The following MBD3L1 variants were observed in gnomAD, a reference collection of about 807,000 sequenced individuals.
MBD3L1 encodes the protein methyl-CpG-binding domain protein 3-like 1.
For synonymous variants in MBD3L1, 84 were observed against 85.1 expected, an observed-to-expected ratio of 0.99 and a Z score of 0.07; for missense variants, 203 against 230.1, an observed-to-expected ratio of 0.88 and a Z score of 0.76.
intron 2 of MBD3L1, among the ~76,000 whole-genome samples, chr19:8,842,318 CAA>C (rs35231202): frequency 1.9e-4 from 22 of 114,204 alleles, no homozygotes; most frequent in African/African-American, 3.1e-4. Context: ...CGGAGTGGGA[CAA>C]AAAAAAAAAA....
rs1277037212 is a variant in MBD3L1 at position 8,843,020 on chromosome 19, G to A, written c.342G>A (p.Glu114=). ...TGGAGGATCTTGCCAGTGGTCTGGA[G>A]CACTCCTGCCCCATGCCCCACCTTG... ...SLLEDLASGL[E]HSCPMPHLAC... is the part of the protein sequence containing the mutation. The change falls in exon 3 of 3, where the codon GAG becomes GAA. Residue 114 remains glutamate, a synonymous_variant. Transcript: ENST00000595891. 1 of 1,614,080 alleles carries A rather than the reference G, an allele frequency of 6.2e-7. No homozygotes were observed. The highest frequency in any genetic ancestry group is 1.3e-5 in the African/African-American group (1 of 74,938).
In MBD3L1 at chr19:8,842,959, AAAAACTTGTCCCT is replaced by A; in HGVS notation, c.283_295del (p.Lys95ValfsTer33). The A allele has an allele frequency of 6.2e-7, 1 of 1,614,244 alleles. No homozygotes were observed. Among genetic ancestry groups the A allele is most frequent in the Non-Finnish European group, 8.5e-7 (1 of 1,180,048 alleles). On this transcript the variant is annotated frameshift_variant, in exon 3 of 3. Coordinates refer to ENST00000595891, the MANE Select transcript of MBD3L1 (RefSeq NM_001393532.1). LOFTEE classifies it low-confidence loss of function (END_TRUNC). ...ACTTTGGATCTTGCCAATACCTTGC[AAAAACTTGTCCCT>A]AGTTACACAGGTGGATCTCTGCTGG...
At chr19:8,833,643 A>C (rs2044414773) in intron 1 of MBD3L1, 1 of 152,286 alleles carries the variant, frequency 6.6e-6, no homozygotes, top group Non-Finnish European at 1.5e-5. Flanking sequence ...GGCAGGAGAA[A>C]TGGACAGTGA....
rs146607982 is a variant in MBD3L1 at position 8,838,800 on chromosome 19, T to C, written c.-106-2115T>C. Among the ~76,000 whole-genome samples, 350 of 152,224 alleles carry C rather than the reference T, an allele frequency of 2.3e-3. 1 individual carries two copies. Among genetic ancestry groups the C allele is most frequent in the African/African-American group, 7.6e-3 (315 of 41,548 alleles). On this transcript the variant is annotated intron_variant, in intron 1 of 2. Coordinates refer to ENST00000595891, the MANE Select transcript of MBD3L1 (RefSeq NM_001393532.1). ...AGGCAGCACAGAAGAGAAGGGGCCA[T>C]TTGCAAAGAGGCAGAGGTTGGAGGG...
chr19:8,842,750 C>G lies in MBD3L1; in HGVS notation c.72C>G (p.Thr24=), dbSNP rs1445804281. The G allele has an allele frequency of 1.2e-6, 2 of 1,614,074 alleles. No homozygotes were observed. The highest frequency in any genetic ancestry group is 8.5e-7 in the Non-Finnish European group (1 of 1,180,042). Residue 24 remains threonine, a synonymous_variant, in exon 3 of 3, where the codon ACC becomes ACG. Coordinates refer to ENST00000595891, the MANE Select transcript of MBD3L1 (RefSeq NM_001393532.1). ...NQCKSKPGLS[T]SIPLRMSSYT... ...GCAAATCAAAGCCTGGCTTGAGCAC[C>G]TCAATCCCTTTGAGAATGTCCAGTT...
intron 1 of MBD3L1, among the ~76,000 whole-genome samples, chr19:8,840,388 A>G (rs1392545557): frequency 6.6e-6 from 1 of 152,016 alleles, no homozygotes; most frequent in Non-Finnish European, 1.5e-5. Context: ...TGCAACCTCG[A>G]CCTCCTGGGC....
chr19:8,838,120 C>A (rs1011226205), intron 1 of MBD3L1, among the ~76,000 whole-genome samples: 10 of 151,608 alleles, frequency 6.6e-5, no homozygotes, highest in African/African-American at 1.2e-4. Context: ...TGGTGGTGCA[C>A]ACCTGTAGTC....
chr19:8,834,676 CAG>C (rs976204169), intron 1 of MBD3L1, among the ~76,000 whole-genome samples: 17 of 136,424 alleles, frequency 1.2e-4, no homozygotes, highest in African/African-American at 3.5e-4. Context: ...AAACAAAAAA[CAG>C]AGAATGAAAT....
In MBD3L1 at chr19:8,842,857, A is replaced by G; in HGVS notation, c.179A>G (p.Glu60Gly). The G allele has an allele frequency of 6.2e-7, 1 of 1,614,248 alleles. No individual in the cohort carries two copies. Among genetic ancestry groups the G allele is most frequent in the Non-Finnish European group, 8.5e-7 (1 of 1,180,046 alleles). The change falls in exon 3 of 3, where the codon GAG (glutamate) becomes GGG (glycine). Residue 60 changes from glutamate (E) to glycine (G), a missense_variant. Coordinates refer to ENST00000595891, the MANE Select transcript of MBD3L1 (RefSeq NM_001393532.1). ...VRYHQWEESLEKPQQVCWQRR... is the reference protein window; with the variant it reads ...VRYHQWEESLGKPQQVCWQRR... ...TACCATCAATGGGAGGAGAGCTTGG[A>G]GAAGCCTCAGCAGGTCTGCTGGCAG...
intron 1 of MBD3L1, among the ~76,000 whole-genome samples, chr19:8,836,766 T>C (rs2044460480): frequency 6.6e-6 from 1 of 152,186 alleles, no homozygotes; most frequent in Admixed American, 6.6e-5. Context: ...TGCTGGGATT[T>C]TAGGCATGAC....
At position 8,837,626 on chromosome 19, in the gene MBD3L1, A is replaced by G. The variant is rs79425516; in HGVS notation, c.-106-3289A>G. 8.5e-5 allele frequency among the ~76,000 whole-genome samples: 13 copies of G among 152,282 alleles called. No individual in the cohort carries two copies. The East Asian group carries it at 2.5e-3, about 29-fold the overall frequency. ...AAAGTTTTGCCTCAAGCCTTGTGAC[A>G]GGGATAAAGACCCTCACCCTTCACA... On this transcript the variant is annotated intron_variant, in intron 1 of 2. Coordinates refer to ENST00000595891, the MANE Select transcript of MBD3L1 (RefSeq NM_001393532.1).
chr19:8,840,900 T>TTC lies in MBD3L1; in HGVS notation c.-106-13_-106-12dup, dbSNP rs531254631. 34 of 152,286 alleles carry TTC rather than the reference T, an allele frequency of 2.2e-4. No individual in the cohort carries two copies. The highest frequency in any genetic ancestry group is 7.9e-4 in the Admixed American group (12 of 15,286). 9.4% of individuals were successfully genotyped at this position (152,286 alleles called of 1,614,324 possible). A position where few individuals can be genotyped will look rare whatever the true frequency, so the allele number is the denominator to read the frequency against. On this transcript the variant is annotated splice_polypyrimidine_tract_variant and intron_variant, in intron 1 of 2. Transcript: ENST00000595891. Reference sequence around the variant, plus strand: ...GGCACTAAGACGTCATGTCACGTGATTCTTTTTTCAGCAGTGATCATATGA... The same window carrying TTC: ...GGCACTAAGACGTCATGTCACGTGATTCTCTTTTTTCAGCAGTGATCATATGA...
chr19:8,838,253 A>AAAAAAAAAAAAAAAC (rs2044475477), intron 1 of MBD3L1, among the ~76,000 whole-genome samples: 1 of 91,288 alleles, frequency 1.1e-5, no homozygotes, highest in Non-Finnish European at 2.0e-5. Flanking sequence ...ACTCCATCTC[A>AAAAAAAAAAAAAAAC]AAAAAAAAAA....
chr19:8,838,709 A>T (rs1050995394), intron 1 of MBD3L1, among the ~76,000 whole-genome samples: 30 of 152,328 alleles, frequency 2.0e-4, no homozygotes, highest in South Asian at 8.3e-4. Flanking sequence ...ATTTCCCAAG[A>T]CAGTCGTAGG....
intron 1 of MBD3L1, among the ~76,000 whole-genome samples, chr19:8,839,186 T>TG (rs2044485744): frequency 8.1e-5 from 1 of 12,348 alleles, no homozygotes. Context: ...TTTTCTTTTC[T>TG]TTTTTTTTTT....
chr19:8,843,087 G>C lies in MBD3L1; in HGVS notation c.409G>C (p.Val137Leu). 1 of 1,614,024 alleles carries C rather than the reference G, an allele frequency of 6.2e-7. No individual in the cohort carries two copies. Among genetic ancestry groups the C allele is most frequent in the Non-Finnish European group, 8.5e-7 (1 of 1,179,954 alleles). The change falls in exon 3 of 3, where the codon GTG becomes CTG. Residue 137 changes from valine to leucine, a missense_variant. Val to Leu is a conservative substitution (Grantham distance 32). Transcript: ENST00000595891. ...GGTGGAGATAATTCCTGCAGAGGGAGTGGGTATCTCGCAGCTCCTCTGCAA... is the reference window on the plus strand; with the variant it reads ...GGTGGAGATAATTCCTGCAGAGGGACTGGGTATCTCGCAGCTCCTCTGCAA... ...DAVEIIPAEG[V>L]GISQLLCKQF...
intron 2 of MBD3L1, among the ~76,000 whole-genome samples, chr19:8,841,230 C>T (rs2044509497): frequency 6.6e-6 from 1 of 150,420 alleles, no homozygotes; most frequent in Non-Finnish European, 1.5e-5. Context: ...TGGGGTTTCA[C>T]CATGTTGGCC....
chr19:8,841,594 T>C (rs1450051779), intron 2 of MBD3L1, among the ~76,000 whole-genome samples: 1 of 152,170 alleles, frequency 6.6e-6, no homozygotes, highest in African/African-American at 2.4e-5. Flanking sequence ...TCTCGCTCTG[T>C]TGCCCAGACT....
In MBD3L1 at chr19:8,832,839, T is replaced by TG. The variant is rs139203294; in HGVS notation, c.-107+319dup. Among the ~76,000 whole-genome samples the TG allele has an allele frequency of 4.1e-3, 618 of 150,974 alleles. 3 individuals are homozygous for TG. Among genetic ancestry groups the TG allele is most frequent in the African/African-American group, 0.013 (538 of 41,012 alleles). On this transcript the variant is annotated intron_variant, in intron 1 of 2. Transcript: ENST00000595891. ...AACCAGGCTGTGGTTGTGACAGCCC[T>TG]GGAGGTTGGGGCTGGCTGTGGGCGG...
Sources: allele counts gnomAD v4.1 joint callset (sites outside exome capture counted in the v4.1 genomes callset), GRCh38; gene constraint gnomAD v4.1.1; transcripts MANE v1.5; gene names NCBI Gene and HGNC (gene_info 2026-07-23, HGNC 2026-07-21).